The following FAM171A1 variants were observed in gnomAD, a reference collection of about 807,000 sequenced individuals.
FAM171A1 encodes family with sequence similarity 171 member A1.
A neutral mutation model predicts 74.9 loss-of-function variants in FAM171A1; 23 were observed. That is an observed-to-expected ratio of 0.31 (90% CI 0.22 to 0.44). FAM171A1 has a LOEUF of 0.44. FAM171A1 is among the 20% of genes least tolerant of loss of function. The pLI, the probability that FAM171A1 is intolerant of heterozygous loss-of-function variation, is 1.00. For missense variants in FAM171A1, 1,162 were observed against 1,159.2 expected (o/e 1.00, Z -0.03); for synonymous variants, 527 against 505.7 (o/e 1.04, Z -0.57).
chr10:15,292,407 T>G (rs978146561), intron 1 of FAM171A1, among the ~76,000 whole-genome samples: 2 of 152,158 alleles, frequency 1.3e-5, no homozygotes, highest in Non-Finnish European at 2.9e-5. Flanking sequence ...GCTCCCACCA[T>G]CCCCACTTTT....
At chr10:15,299,981 C>CAAAG (rs919631354) in intron 1 of FAM171A1, among the ~76,000 whole-genome samples, 1 of 151,454 alleles carries the variant, frequency 6.6e-6, no homozygotes, top group African/African-American at 2.4e-5. Context: ...AACAAACAAA[C>CAAAG]AAACAAAAAA....
intron 5 of FAM171A1, among the ~76,000 whole-genome samples, chr10:15,243,820 C>T (rs1374376259): frequency 6.6e-6 from 1 of 152,070 alleles, no homozygotes; most frequent in Non-Finnish European, 1.5e-5. Context: ...CTGAGCAGCT[C>T]ACCGCAAGCT....
chr10:15,244,514 G>T (rs12775938), intron 5 of FAM171A1, among the ~76,000 whole-genome samples: 2,270 of 152,296 alleles, frequency 0.015, 25 homozygotes, highest in Middle Eastern at 0.024. Flanking sequence ...GGGAGACCCT[G>T]TCTCTTAAAA....
At chr10:15,352,826 A>G (rs1045498327) in intron 1 of FAM171A1, among the ~76,000 whole-genome samples, 4 of 152,224 alleles carry the variant, frequency 2.6e-5, no homozygotes, top group African/African-American at 9.6e-5. Context: ...TCACTCTTGG[A>G]GTTTACTTTC....
intron 1 of FAM171A1, among the ~76,000 whole-genome samples, chr10:15,294,848 C>T (rs774751018): frequency 2.0e-5 from 3 of 152,126 alleles, no homozygotes; most frequent in African/African-American, 7.2e-5. Flanking sequence ...AGCTCCCTGT[C>T]GGTATTTGAC....
chr10:15,215,887 A>AT (rs2131704203), intron 7 of FAM171A1, 109 bp downstream of exon 7: 2 of 645,090 alleles, frequency 3.1e-6, no homozygotes, highest in East Asian at 5.8e-5. Flanking sequence ...AAGTACTTCA[A>AT]TTTAGAAAAA....
chr10:15,271,182 G>C (rs1834819821), intron 3 of FAM171A1, among the ~76,000 whole-genome samples: 1 of 152,138 alleles, frequency 6.6e-6, no homozygotes, highest in South Asian at 2.1e-4. Context: ...GCGTAGAGAA[G>C]ACCTTAAATG....
intron 1 of FAM171A1, among the ~76,000 whole-genome samples, chr10:15,354,706 G>A (rs186022266): frequency 6.6e-6 from 1 of 152,296 alleles, no homozygotes; most frequent in East Asian, 1.9e-4. Context: ...GAATTGCTTT[G>A]ACATCATGAA....
chr10:15,342,299 G>A (rs1322922256), intron 1 of FAM171A1, among the ~76,000 whole-genome samples: 1 of 152,198 alleles, frequency 6.6e-6, no homozygotes, highest in East Asian at 1.9e-4. Context: ...GCCAGGTGTG[G>A]TGGCTCACGC....
chr10:15,331,185 G>A (rs1000187716), intron 1 of FAM171A1, among the ~76,000 whole-genome samples: 5 of 152,072 alleles, frequency 3.3e-5, no homozygotes, highest in Admixed American at 2.6e-4. Context: ...CACCGCACCC[G>A]GCCTACAGCA....
At chr10:15,263,509 T>C (rs1314009010) in intron 3 of FAM171A1, among the ~76,000 whole-genome samples, 1 of 152,200 alleles carries the variant, frequency 6.6e-6, no homozygotes, top group African/African-American at 2.4e-5. Context: ...TTTGCCAGCG[T>C]TTTGTGACAC....
intron 1 of FAM171A1, among the ~76,000 whole-genome samples, chr10:15,347,975 G>C (rs542088779): frequency 6.6e-6 from 1 of 151,990 alleles, no homozygotes; most frequent in East Asian, 1.9e-4. Context: ...AAATGAGAAT[G>C]ACATTTTCTT....
chr10:15,228,266 C>A (rs1236052629), intron 5 of FAM171A1, among the ~76,000 whole-genome samples: 1 of 150,896 alleles, frequency 6.6e-6, no homozygotes, highest in Non-Finnish European at 1.5e-5. Flanking sequence ...CTGAATCTCA[C>A]ATGTTAAGAG....
chr10:15,227,353 C>T (rs1179084939), intron 5 of FAM171A1, among the ~76,000 whole-genome samples: 4 of 152,054 alleles, frequency 2.6e-5, no homozygotes, highest in African/African-American at 9.7e-5. Flanking sequence ...CCACACCACA[C>T]TCTCAGGTCA....
At chr10:15,336,675 T>G (rs4357594) in intron 1 of FAM171A1, among the ~76,000 whole-genome samples, 3 of 152,168 alleles carry the variant, frequency 2.0e-5, no homozygotes, top group Admixed American at 6.5e-5. Context: ...TTATTTTCAG[T>G]TCCATGGAAA....
chr10:15,254,639 A>C (rs1834552670), intron 4 of FAM171A1, 82 bp downstream of exon 4: 2 of 1,489,196 alleles, frequency 1.3e-6, no homozygotes, highest in East Asian at 4.6e-5. Flanking sequence ...CATAGTGCTA[A>C]AACTCCCAAT....
chr10:15,311,105 G>A (rs1835355037), intron 1 of FAM171A1, among the ~76,000 whole-genome samples: 1 of 152,150 alleles, frequency 6.6e-6, no homozygotes, highest in African/African-American at 2.4e-5. Context: ...AGCCTGATAG[G>A]CCCACCCACA....
At chr10:15,220,875 T>A in intron 6 of FAM171A1, 69 bp downstream of exon 6, 1 of 1,141,510 alleles carries the variant, frequency 8.8e-7, no homozygotes, top group Non-Finnish European at 1.3e-6. Context: ...TTCAAGAGCA[T>A]ACTTAGCCTG....
At chr10:15,268,361 G>A (rs1222288052) in intron 3 of FAM171A1, among the ~76,000 whole-genome samples, 1 of 152,154 alleles carries the variant, frequency 6.6e-6, no homozygotes, top group Non-Finnish European at 1.5e-5. Flanking sequence ...TGGTATCCTG[G>A]ATTTGTGAGG....
Sources: allele counts gnomAD v4.1 joint callset (sites outside exome capture counted in the v4.1 genomes callset), GRCh38; gene constraint gnomAD v4.1.1; transcripts MANE v1.5; gene names NCBI Gene and HGNC (gene_info 2026-07-23, HGNC 2026-07-21).